The following PAPOLA variants were observed in gnomAD, a reference collection of about 807,000 sequenced individuals.
PAPOLA encodes the protein polynucleotide adenylyltransferase alpha.
A neutral mutation model predicts 100.6 loss-of-function variants in PAPOLA; 15 were observed. The observed-to-expected ratio is 0.15, with a 90% CI of 0.10 to 0.23. The LOEUF is 0.23. Ranked by LOEUF, PAPOLA falls within the 10% of genes least tolerant of loss-of-function variation. The pLI, the probability that PAPOLA is intolerant of heterozygous loss-of-function variation, is 1.00. For synonymous variants in PAPOLA, 293 were observed against 300.0 expected, an observed-to-expected ratio of 0.98 and a Z score of 0.24; for missense variants, 533 against 884.2, an observed-to-expected ratio of 0.60 and a Z score of 5.04.
intron 1 of PAPOLA, among the ~76,000 whole-genome samples, chr14:96,505,041 A>G (rs1221835195): frequency 6.6e-6 from 1 of 152,224 alleles, no homozygotes; most frequent in Non-Finnish European, 1.5e-5. Flanking sequence ...TCTAAATTTC[A>G]TATGTAGCTA....
chr14:96,533,271 C>T, intron 9 of PAPOLA: 2 of 984,732 alleles, frequency 2.0e-6, no homozygotes, highest in Non-Finnish European at 2.4e-6. Context: ...ATTGCCTTGG[C>T]CCAAAAGGTG....
chr14:96,533,043 T>C lies in PAPOLA; in HGVS notation c.836+394T>C, dbSNP rs369783935. 11 of 982,472 alleles carry C rather than the reference T, an allele frequency of 1.1e-5. No individual in the cohort carries two copies. In the East Asian group the frequency reaches 6.7e-4, roughly 60 times the overall value. The allele number at this position is 982,472 out of a possible 1,614,324, so 60.9% of individuals were successfully genotyped here. ...TAGTTTCTTGTGATTGTTTTTTTTTTCTTTTTGCTTTCAGCATTTATTTGG... is the reference window on the plus strand; with the variant it reads ...TAGTTTCTTGTGATTGTTTTTTTTTCCTTTTTGCTTTCAGCATTTATTTGG... On this transcript the variant is annotated intron_variant, in intron 9 of 21. Transcript: ENST00000216277.
intron 19 of PAPOLA, among the ~76,000 whole-genome samples, chr14:96,557,639 A>C (rs1317868958): frequency 1.3e-5 from 2 of 151,872 alleles, no homozygotes; most frequent in African/African-American, 4.8e-5. Flanking sequence ...GAGTGGAAAA[A>C]AAACCCCTCT....
intron 12 of PAPOLA, among the ~76,000 whole-genome samples, chr14:96,539,713 A>G (rs534360219): frequency 1.6e-4 from 24 of 152,240 alleles, no homozygotes; most frequent in African/African-American, 4.8e-4. Flanking sequence ...ATAGGGGACC[A>G]TGATTTTTCG....
chr14:96,505,092 CATG>C (rs1896618026), intron 1 of PAPOLA, among the ~76,000 whole-genome samples: 1 of 152,200 alleles, frequency 6.6e-6, no homozygotes, highest in African/African-American at 2.4e-5. Flanking sequence ...ATTTAAGAGT[CATG>C]GTGGTGAAGC....
chr14:96,531,721 C>T, intron 7 of PAPOLA, 135 bp downstream of exon 7: 1 of 1,504,468 alleles, frequency 6.6e-7, no homozygotes, highest in Non-Finnish European at 8.8e-7. Flanking sequence ...TGAACTTTGC[C>T]TAATAAACTA....
Position 96,533,067 on chromosome 14 carries a change from G to C in PAPOLA, c.836+418G>C, listed in dbSNP as rs976874133. ...TTCTTTTTGCTTTCAGCATTTATTT[G>C]GCCTAATATTAAAGATACGAATTTT... On this transcript the variant is annotated intron_variant, in intron 9 of 21. Transcript: ENST00000216277. The C allele has an allele frequency of 3.2e-5, 31 of 972,028 alleles. No individual in the cohort carries two copies. The African/African-American group carries it at 5.5e-4, about 17-fold the overall frequency. The allele number at this position is 972,028 out of a possible 1,614,324, so 60.2% of individuals were successfully genotyped here. A position where few individuals can be genotyped will look rare whatever the true frequency, so the allele number is the denominator to read the frequency against.
intron 12 of PAPOLA, among the ~76,000 whole-genome samples, chr14:96,539,024 T>G (rs1314452508): frequency 6.6e-6 from 1 of 152,124 alleles, no homozygotes; most frequent in Non-Finnish European, 1.5e-5. Flanking sequence ...GACTTATCAG[T>G]GTTCCTCAAG....
intron 1 of PAPOLA, among the ~76,000 whole-genome samples, chr14:96,515,585 A>G (rs1223823696): frequency 6.6e-6 from 1 of 152,222 alleles, no homozygotes; most frequent in Non-Finnish European, 1.5e-5. Flanking sequence ...ATTTTTATAG[A>G]GTAGAGAGCT....
chr14:96,518,827 G>A (rs925198988), intron 1 of PAPOLA, among the ~76,000 whole-genome samples: 1 of 151,982 alleles, frequency 6.6e-6, no homozygotes, highest in African/African-American at 2.4e-5. Context: ...GAGGCCAAAG[G>A]GAGCGGATCA....
At position 96,542,265 on chromosome 14, in the gene PAPOLA, A is replaced by G; in HGVS notation, c.1138A>G (p.Ser380Gly). 6.3e-7 allele frequency: 1 copy of G among 1,599,070 alleles called. No individual in the cohort carries two copies. The highest frequency in any genetic ancestry group is 8.6e-7 in the Non-Finnish European group (1 of 1,166,772). Residue 380 changes from serine (S) to glycine (G), a missense_variant, in exon 13 of 22, where the codon AGT (serine) becomes GGT (glycine). By Grantham distance (56) the Ser-to-Gly change is moderately conservative. Coordinates refer to ENST00000216277, the MANE Select transcript of PAPOLA (RefSeq NM_032632.5). ...KYKHYIVLLASAPTEKQRLEW... is the reference protein window; with the variant it reads ...KYKHYIVLLAGAPTEKQRLEW... ...AAGGCATTATATTGTACTTCTAGCA[A>G]GTGCACCAACAGAAAAACAACGCCT... is the stretch of plus-strand genomic sequence containing the variant.
At chr14:96,519,624 A>G (rs1385277091) in intron 1 of PAPOLA, among the ~76,000 whole-genome samples, 1 of 152,136 alleles carries the variant, frequency 6.6e-6, no homozygotes, top group Non-Finnish European at 1.5e-5. Flanking sequence ...AGTTTTTGCT[A>G]TTTGCTTCAT....
chr14:96,561,405 T>C (rs1901832532), intron 20 of PAPOLA, among the ~76,000 whole-genome samples: 1 of 152,222 alleles, frequency 6.6e-6, no homozygotes, highest in East Asian at 1.9e-4. Context: ...TCTTAGGTTT[T>C]GTGTGTGCCC....
At chr14:96,505,139 A>C (rs1896619816) in intron 1 of PAPOLA, among the ~76,000 whole-genome samples, 1 of 152,174 alleles carries the variant, frequency 6.6e-6, no homozygotes, top group Admixed American at 6.5e-5. Context: ...GGATCCATTA[A>C]ACAGTTTCTC....
Position 96,564,961 on chromosome 14 carries a change from T to C in PAPOLA, c.2149T>C (p.Ser717Pro), listed in dbSNP as rs1566871832. 3.9e-6 allele frequency: 6 copies of C among 1,527,952 alleles called. No homozygotes were observed. The highest frequency in any genetic ancestry group is 4.5e-6 in the Non-Finnish European group (5 of 1,101,666). The allele number at this position is 1,527,952 out of a possible 1,614,324, so 94.6% of individuals were successfully genotyped here. A position where few individuals can be genotyped will look rare whatever the true frequency, so the allele number is the denominator to read the frequency against. ...TCTTTGCTTTCATTCTCAGAAAACATCCAGTACAGACCTTTCTGATATCCC... is the reference window on the plus strand; with the variant it reads ...TCTTTGCTTTCATTCTCAGAAAACACCCAGTACAGACCTTTCTGATATCCC... ...AASLLASQKT[S>P]STDLSDIPAL... Residue 717 changes from serine (S) to proline (P), a missense_variant, in exon 22 of 22, where the codon TCC becomes CCC. By Grantham distance (74) the Ser-to-Pro change is moderately conservative. Coordinates refer to ENST00000216277, the MANE Select transcript of PAPOLA (RefSeq NM_032632.5).
At chr14:96,521,255 C>T (rs757179287) in intron 3 of PAPOLA, among the ~76,000 whole-genome samples, 183 bp downstream of exon 3, 2 of 152,054 alleles carry the variant, frequency 1.3e-5, no homozygotes, top group Non-Finnish European at 2.9e-5. Context: ...AAAAACTGAA[C>T]TGAGTTAAGC....
chr14:96,521,826 T>C (rs1405235876), intron 3 of PAPOLA, among the ~76,000 whole-genome samples: 1 of 152,108 alleles, frequency 6.6e-6, no homozygotes, highest in African/African-American at 2.4e-5. Flanking sequence ...TTTCTTTCTT[T>C]ATTGAGACAG....
At chr14:96,523,946 A>G (rs111681632) in intron 3 of PAPOLA, among the ~76,000 whole-genome samples, 6,541 of 127,988 alleles carry the variant, frequency 0.051, 193 homozygotes, top group South Asian at 0.13. Context: ...TCTGTCTCAG[A>G]AAAAAAAAAA....
chr14:96,522,689 GC>G (rs1373646184), intron 3 of PAPOLA, among the ~76,000 whole-genome samples: 1 of 152,156 alleles, frequency 6.6e-6, no homozygotes, highest in African/African-American at 2.4e-5. Context: ...ACAGGGGTGA[GC>G]CACTGCCCCA....
Sources: allele counts gnomAD v4.1 joint callset (sites outside exome capture counted in the v4.1 genomes callset), GRCh38; gene constraint gnomAD v4.1.1; transcripts MANE v1.5; gene names NCBI Gene and HGNC (gene_info 2026-07-23, HGNC 2026-07-21).